EFR3A: variants seen among roughly 807,000 people sequenced by gnomAD.
The protein encoded by EFR3A is protein EFR3 homolog A.
In EFR3A, 76 loss-of-function variants were observed where a neutral mutation model predicts 104.4. That is an observed-to-expected ratio of 0.73 (90% CI 0.60 to 0.88). The LOEUF is 0.88. Ranked by LOEUF, EFR3A falls within the 40% of genes least tolerant of loss-of-function variation. EFR3A has a pLI of 0.00. For missense variants in EFR3A, 985 were observed against 1,012.5 expected, an observed-to-expected ratio of 0.97 and a Z score of 0.37; for synonymous variants, 330 against 330.0, an observed-to-expected ratio of 1.00 and a Z score of 0.00.
rs550575286 is a variant in EFR3A, at chr8:131,916,274, G to T, written c.10+11952G>T. 2.6e-5 allele frequency among the ~76,000 whole-genome samples: 4 copies of T among 152,190 alleles called. No individual in the cohort carries two copies. In the South Asian group the frequency reaches 8.3e-4, roughly 31 times the overall value. On this transcript the variant is annotated intron_variant, in intron 1 of 22. Coordinates refer to ENST00000254624, the MANE Select transcript of EFR3A (RefSeq NM_015137.6). ...GTCTAATTGGTGGGCTTTGGACTTGGATGGTGGTTGTAGGAAGGACTGCAG... is the reference window on the plus strand; with the variant it reads ...GTCTAATTGGTGGGCTTTGGACTTGTATGGTGGTTGTAGGAAGGACTGCAG...
chr8:131,919,320 G>A (rs1451739961), intron 1 of EFR3A, among the ~76,000 whole-genome samples: 2 of 152,078 alleles, frequency 1.3e-5, no homozygotes, highest in Admixed American at 6.5e-5. Flanking sequence ...TGTTTTGGCC[G>A]GGTGCAGTGG....
At chr8:131,959,176 A>G (rs552857847) in intron 7 of EFR3A, among the ~76,000 whole-genome samples, 1 of 152,324 alleles carries the variant, frequency 6.6e-6, no homozygotes, top group South Asian at 2.1e-4. Flanking sequence ...TTGATACAGT[A>G]GGTGAGAAGT....
intron 1 of EFR3A, among the ~76,000 whole-genome samples, chr8:131,911,926 C>G (rs573970480): frequency 3.3e-5 from 5 of 152,230 alleles, no homozygotes; most frequent in African/African-American, 1.2e-4. Flanking sequence ...TCTTTATGAT[C>G]AGTTTTTACG....
At chr8:131,956,358 G>T (rs964825396) in intron 7 of EFR3A, among the ~76,000 whole-genome samples, 1 of 152,082 alleles carries the variant, frequency 6.6e-6, no homozygotes, top group Non-Finnish European at 1.5e-5. Flanking sequence ...TTTACATAGT[G>T]ATTAATCAGA....
chr8:131,973,646 A>G (rs1820184282), intron 10 of EFR3A, among the ~76,000 whole-genome samples: 1 of 152,142 alleles, frequency 6.6e-6, no homozygotes, highest in Non-Finnish European at 1.5e-5. Context: ...GGCAGTTGTC[A>G]GATCATGGCG....
chr8:131,993,085 A>C (rs997511051), intron 18 of EFR3A, among the ~76,000 whole-genome samples: 4 of 152,162 alleles, frequency 2.6e-5, no homozygotes, highest in African/African-American at 9.7e-5. Context: ...CATCTAGTGC[A>C]TAGAAGCTAG....
intron 1 of EFR3A, among the ~76,000 whole-genome samples, chr8:131,927,149 G>A (rs1817341327): frequency 6.6e-6 from 1 of 152,148 alleles, no homozygotes; most frequent in African/African-American, 2.4e-5. Context: ...AATGGTAATG[G>A]TTGTGGCAGC....
chr8:131,934,331 C>G (rs10956620), intron 1 of EFR3A, among the ~76,000 whole-genome samples: 23,443 of 151,990 alleles, frequency 0.15, 2,292 homozygotes, highest in East Asian at 0.34. Flanking sequence ...TTCAGTCTTA[C>G]TTGTTCTTCA....
intron 8 of EFR3A, among the ~76,000 whole-genome samples, chr8:131,965,100 A>T (rs1057033826): frequency 2.6e-5 from 4 of 152,200 alleles, no homozygotes; most frequent in African/African-American, 9.6e-5. Flanking sequence ...TTAGACTTAA[A>T]ACCATAAAAA....
At chr8:132,006,003 A>G (rs1822029327) in intron 22 of EFR3A, among the ~76,000 whole-genome samples, 1 of 152,204 alleles carries the variant, frequency 6.6e-6, no homozygotes, top group South Asian at 2.1e-4. Flanking sequence ...AAAGACACCC[A>G]TACCTCAAAG....
chr8:131,978,934 G>A lies in EFR3A; in HGVS notation c.1414G>A (p.Asp472Asn). ...TTTGTTATCACCATCTCTCATGGAG[G>A]ACTACGAACTGAGACAGTTGGTCTT... ...DPLLSPSLME[D>N]YELRQLVLEV... Residue 472 changes from aspartate to asparagine, a missense_variant, in exon 13 of 23, where the codon GAC (aspartate) becomes AAC (asparagine). Physicochemically the swap from Asp to Asn is conservative, Grantham distance 23. Transcript: ENST00000254624. The A allele has an allele frequency of 6.2e-7, 1 of 1,613,156 alleles. No homozygotes were observed. The highest frequency in any genetic ancestry group is 8.5e-7 in the Non-Finnish European group (1 of 1,179,308).
chr8:131,924,104 C>T (rs1817183966), intron 1 of EFR3A: 2 of 442,320 alleles, frequency 4.5e-6, no homozygotes, highest in South Asian at 1.6e-5. Flanking sequence ...AAAATGAATG[C>T]TTATTAGATT....
chr8:131,911,871 T>C (rs1816528463), intron 1 of EFR3A, among the ~76,000 whole-genome samples: 1 of 152,222 alleles, frequency 6.6e-6, no homozygotes, highest in South Asian at 2.1e-4. Flanking sequence ...CCTGTCTGGC[T>C]TGGGGTCTTG....
At chr8:131,984,819 G>A (rs1563691193) in intron 15 of EFR3A, 110 bp from the exon 16 acceptor site, 5 of 954,538 alleles carry the variant, frequency 5.2e-6, no homozygotes, top group Middle Eastern at 3.3e-4. Flanking sequence ...CTGATAAAGT[G>A]GCATTTTTGT....
chr8:131,922,549 A>G (rs1266827206), intron 1 of EFR3A, among the ~76,000 whole-genome samples: 1 of 152,188 alleles, frequency 6.6e-6, no homozygotes, highest in East Asian at 1.9e-4. Flanking sequence ...GTTAGGACTT[A>G]AACATATTGT....
chr8:131,971,673 A>G (rs1820061934), intron 10 of EFR3A, among the ~76,000 whole-genome samples: 1 of 144,208 alleles, frequency 6.9e-6, no homozygotes, highest in African/African-American at 2.6e-5. Flanking sequence ...GGGCGACAGC[A>G]AGACTCCGTC....
chr8:132,003,900 T>C (rs530732830), intron 22 of EFR3A, among the ~76,000 whole-genome samples: 95 of 152,318 alleles, frequency 6.2e-4, no homozygotes, highest in Non-Finnish European at 1.1e-3. Flanking sequence ...TTGACTTCAG[T>C]GTGGAAACCT....
chr8:132,010,245 T>C (rs1158847732), intron 22 of EFR3A, among the ~76,000 whole-genome samples: 7 of 151,532 alleles, frequency 4.6e-5, no homozygotes, highest in Admixed American at 3.9e-4. Flanking sequence ...ACATTTTGAG[T>C]ACACTTTGAT....
At chr8:131,942,030 G>A (rs573126795) in intron 2 of EFR3A, among the ~76,000 whole-genome samples, 92 of 152,146 alleles carry the variant, frequency 6.0e-4, no homozygotes, top group Non-Finnish European at 8.7e-4. Context: ...AGAAGTCTGG[G>A]ACATATGGTT....
Sources: gnomAD v4.1 joint callset for allele counts (sites outside exome capture counted in the v4.1 genomes callset) on GRCh38, gnomAD v4.1.1 for gene constraint, MANE v1.5 for transcripts, NCBI Gene and HGNC (gene_info 2026-07-23, HGNC 2026-07-21) for gene names.